NEDD4: variants seen among roughly 807,000 people sequenced by gnomAD.
NEDD4 encodes the protein NEDD4 E3 ubiquitin protein ligase.
NEDD4 carries 99 observed loss-of-function variants against 144.9 expected under a neutral mutation model. The ratio of observed to expected loss-of-function variants is 0.68; its 90% CI spans 0.58 to 0.81. NEDD4 has a LOEUF of 0.81. NEDD4 is among the 30% of genes least tolerant of loss of function. NEDD4 has a pLI of 0.00. For synonymous variants in NEDD4, 318 were observed against 350.6 expected (o/e 0.91, Z 1.04); for missense variants, 985 against 1,065.9 (o/e 0.92, Z 1.06).
chr15:55,936,141 G>C (rs2036885184), intron 4 of NEDD4, among the ~76,000 whole-genome samples: 1 of 152,034 alleles, frequency 6.6e-6, no homozygotes, highest in African/African-American at 2.4e-5. Flanking sequence ...TTGTCAGAGG[G>C]GTCCCTCCTA....
chr15:55,852,387 A>G (rs1369394189), intron 13 of NEDD4, 37 bp downstream of exon 13: 1 of 1,594,390 alleles, frequency 6.3e-7, no homozygotes, highest in Non-Finnish European at 8.6e-7. Flanking sequence ...GACAGTTTAA[A>G]TCCTGTAAGA....
At position 55,934,995 on chromosome 15, in the gene NEDD4, A is replaced by G. The variant is rs189625065; in HGVS notation, c.238-10296T>C. On this transcript the variant is annotated intron_variant, in intron 4 of 28. Transcript: ENST00000435532. ...GTGATTCTCCTGCCTCAGCCTCCCA[A>G]GTAGCTGTAATTAGAGGCACCCACC... Among the ~76,000 whole-genome samples, 76 of 147,524 alleles carry G rather than the reference A, an allele frequency of 5.2e-4. 2 individuals carry two copies. The highest frequency in any genetic ancestry group is 1.9e-3 in the Admixed American group (27 of 14,166).
At chr15:55,984,086 A>G (rs2037851278) in intron 1 of NEDD4, among the ~76,000 whole-genome samples, 1 of 152,200 alleles carries the variant, frequency 6.6e-6, no homozygotes, top group African/African-American at 2.4e-5. Context: ...TGTTCATCAA[A>G]TATTTGTTAA....
At chr15:55,877,470 T>C (rs2035035034) in intron 5 of NEDD4, among the ~76,000 whole-genome samples, 1 of 152,206 alleles carries the variant, frequency 6.6e-6, no homozygotes, top group Admixed American at 6.5e-5. Context: ...GCATTACTAA[T>C]GGTATTAACT....
intron 5 of NEDD4, among the ~76,000 whole-genome samples, chr15:55,923,661 T>A (rs372102930): frequency 0.016 from 1,223 of 75,850 alleles, 4 homozygotes; most frequent in Middle Eastern, 0.036. Flanking sequence ...AAAAAAAAAA[T>A]ATATATATAT....
chr15:55,939,308 T>C (rs2036952649), intron 4 of NEDD4, among the ~76,000 whole-genome samples: 1 of 152,098 alleles, frequency 6.6e-6, no homozygotes, highest in Non-Finnish European at 1.5e-5. Flanking sequence ...CTGACAGTTT[T>C]ACAAAGGGTT....
chr15:55,888,635 A>C (rs1475942177), intron 5 of NEDD4, among the ~76,000 whole-genome samples: 1 of 152,228 alleles, frequency 6.6e-6, no homozygotes, highest in Non-Finnish European at 1.5e-5. Context: ...CAAAATACCC[A>C]GAATAGCCAG....
At chr15:55,909,228 T>A (rs776854835) in intron 5 of NEDD4, among the ~76,000 whole-genome samples, 2 of 152,174 alleles carry the variant, frequency 1.3e-5, no homozygotes, top group Non-Finnish European at 2.9e-5. Context: ...AGCTACAAGG[T>A]GCACATACAC....
intron 1 of NEDD4, among the ~76,000 whole-genome samples, chr15:55,983,271 A>G (rs2037832985): frequency 7.1e-6 from 1 of 140,516 alleles, no homozygotes; most frequent in South Asian, 2.3e-4. Flanking sequence ...AATAATGTTG[A>G]TGATGACGAC....
intron 5 of NEDD4, among the ~76,000 whole-genome samples, chr15:55,900,792 C>T (rs2035891988): frequency 6.6e-6 from 1 of 152,082 alleles, no homozygotes; most frequent in Admixed American, 6.5e-5. Flanking sequence ...CAACTGCCAA[C>T]TAAACATTTT....
intron 12 of NEDD4, among the ~76,000 whole-genome samples, chr15:55,853,560 C>G (rs541553657): frequency 6.6e-6 from 1 of 152,222 alleles, no homozygotes; most frequent in Non-Finnish European, 1.5e-5. Context: ...AATCTAACAA[C>G]AGAAATCATG....
rs1215288782 is a variant in NEDD4, at chr15:55,827,182, T to C, written c.*2715A>G. 5 of 152,368 alleles carry C rather than the reference T, an allele frequency of 3.3e-5. No individual in the cohort carries two copies. In the South Asian group the frequency reaches 8.3e-4, roughly 25 times the overall value. 9.4% of individuals were successfully genotyped at this position (152,368 alleles called of 1,614,324 possible). ...TAAATTTGAGTTCTGATGAAATGCA[T>C]TTGTAATACAATTTTGTTAAAAATT... On this transcript the variant is annotated 3_prime_UTR_variant, in exon 29 of 29. Transcript: ENST00000435532.
Position 55,830,507 on chromosome 15 carries a change from T to C in NEDD4, c.2600+7A>G, listed in dbSNP as rs1286454830. On this transcript the variant is annotated splice_region_variant and intron_variant, in intron 28 of 28. Transcript: ENST00000435532. ...TTTGTTCTATCAAGGTCCAAACAAC[T>C]GCTTACCAGGTATGAGCTCTTGGCA... The C allele has an allele frequency of 6.2e-7, 1 of 1,613,264 alleles. No individual in the cohort carries two copies. The highest frequency in any genetic ancestry group is 8.5e-7 in the Non-Finnish European group (1 of 1,179,298).
intron 18 of NEDD4, among the ~76,000 whole-genome samples, chr15:55,842,855 T>C (rs1305967657): frequency 6.6e-6 from 1 of 152,212 alleles, no homozygotes; most frequent in Non-Finnish European, 1.5e-5. Flanking sequence ...CTGGAGTCTA[T>C]CTTGCTTCAC....
chr15:55,846,998 C>A lies in NEDD4; in HGVS notation c.1579G>T (p.Glu527Ter). ...PYSRDYKRKY[E>*]FFRRKLKKQN... is the part of the protein sequence containing the mutation. Reference sequence around the variant, plus strand: ...TTCTTCAACTTTCTTCGGAAGAACTCATACTTTCTTTTGTAATCCCTGGAG... The same window carrying A: ...TTCTTCAACTTTCTTCGGAAGAACTAATACTTTCTTTTGTAATCCCTGGAG... Residue 527 changes from glutamate (E) to a stop codon, truncating the protein, a stop_gained, in exon 18 of 29, where the codon GAG becomes TAG. Coordinates refer to ENST00000435532, the MANE Select transcript of NEDD4 (RefSeq NM_006154.4). LOFTEE classifies it high-confidence loss of function. 1 of 1,610,446 alleles carries A rather than the reference C, an allele frequency of 6.2e-7. No individual in the cohort carries two copies. Among genetic ancestry groups the A allele is most frequent in the South Asian group, 1.1e-5 (1 of 90,742 alleles).
intron 7 of NEDD4, 39 bp from the exon 8 acceptor site, chr15:55,869,720 C>G: frequency 7.6e-7 from 1 of 1,308,592 alleles, no homozygotes. Context: ...AACTTTAACA[C>G]CGGGAGAAAA....
chr15:55,988,487 T>TAA (rs56688563), intron 1 of NEDD4, among the ~76,000 whole-genome samples: 19,417 of 101,206 alleles, frequency 0.19, 1,847 homozygotes, highest in Non-Finnish European at 0.26. Context: ...AAAAAAAAAT[T>TAA]AAAAAAAAAA....
At position 55,977,170 on chromosome 15, in the gene NEDD4, A is replaced by G. The variant is rs920131019; in HGVS notation, c.46-10624T>C. On this transcript the variant is annotated intron_variant, in intron 1 of 28. Transcript: ENST00000435532. Reference sequence around the variant, plus strand: ...GGAGGCCTCGCTAAATAAGATAGTCATGGCTGCAGAATGATATTTTGGCCA... The same window carrying G: ...GGAGGCCTCGCTAAATAAGATAGTCGTGGCTGCAGAATGATATTTTGGCCA... 3.3e-5 allele frequency among the ~76,000 whole-genome samples: 5 copies of G among 152,228 alleles called. No individual in the cohort carries two copies. The South Asian group carries it at 1.0e-3, about 31-fold the overall frequency.
At chr15:55,930,931 T>C (rs2036767741) in intron 4 of NEDD4, among the ~76,000 whole-genome samples, 1 of 152,184 alleles carries the variant, frequency 6.6e-6, no homozygotes, top group African/African-American at 2.4e-5. Context: ...CTTGGGTACG[T>C]CTTTACTAGC....
Sources: gnomAD v4.1 joint callset for allele counts (sites outside exome capture counted in the v4.1 genomes callset) on GRCh38, gnomAD v4.1.1 for gene constraint, MANE v1.5 for transcripts, NCBI Gene and HGNC (gene_info 2026-07-23, HGNC 2026-07-21) for gene names.